ACOX3: variants seen among roughly 807,000 people sequenced by gnomAD.
The protein encoded by ACOX3 is peroxisomal acyl-coenzyme A oxidase 3.
Under a neutral mutation model 81.5 loss-of-function variants are expected in ACOX3, and 73 were observed. The observed-to-expected ratio is 0.90, with a 90% confidence interval of 0.74 to 1.09. The LOEUF (loss-of-function observed/expected upper bound fraction) is 1.09, where lower values mean the gene tolerates loss of function less well. Ranked by LOEUF, ACOX3 falls within the 50% of genes least tolerant of loss-of-function variation. The pLI is 0.00. For missense variants in ACOX3, 947 were observed against 928.0 expected (o/e 1.02, Z -0.27); for synonymous variants, 387 against 375.1 (o/e 1.03, Z -0.37).
chr4:8,371,699 C>T (rs376204386), intron 16 of ACOX3, among the ~76,000 whole-genome samples: 166 of 152,376 alleles, frequency 1.1e-3, no homozygotes, highest in African/African-American at 3.7e-3. Context: ...TTCAGCGCCG[C>T]GCTCTGCAGG....
At position 8,415,000 on chromosome 4, in the gene ACOX3, A is replaced by G. The variant is rs1722164516; in HGVS notation, c.379-72T>C. 11 of 1,388,854 alleles carry G rather than the reference A, an allele frequency of 7.9e-6. No individual in the cohort carries two copies. Among genetic ancestry groups the G allele is most frequent in the African/African-American group, 1.4e-5 (1 of 70,262 alleles). The allele number at this position is 1,388,854 out of a possible 1,614,324, so 86.0% of individuals were successfully genotyped here. On this transcript the variant is annotated intron_variant, in intron 3 of 17. Transcript: ENST00000356406. This position sits in a 1 kb window ranked among gnomAD's most constrained non-coding sequence, Gnocchi z 6.1. The stretch of plus-strand genomic sequence containing the variant: ...TACTGCTCTTCCGGAACATCACAAC[A>G]GACAACGGCACTCAACACCATGCCC...
At chr4:8,376,899 G>C (rs1717035494) in intron 14 of ACOX3, among the ~76,000 whole-genome samples, 1 of 152,102 alleles carries the variant, frequency 6.6e-6, no homozygotes, top group African/African-American at 2.4e-5. Context: ...GCCCTGCCGA[G>C]TGAGGTGGGG....
In ACOX3 at chr4:8,391,477, T is replaced by C. The variant is rs575392581; in HGVS notation, c.1300+856A>G. The stretch of plus-strand genomic sequence containing the variant: ...GCTGTGGCTGTTTTGAGTGTGTACA[T>C]GGCCTTCTTTGAGCAACCAGTTTTT... On this transcript the variant is annotated intron_variant, in intron 11 of 17. Coordinates refer to ENST00000356406, the MANE Select transcript of ACOX3 (RefSeq NM_003501.3). Among the ~76,000 whole-genome samples the C allele has an allele frequency of 2.2e-4, 34 of 152,356 alleles. No homozygotes were observed. In the South Asian group the frequency reaches 6.2e-3, roughly 28 times the overall value.
At chr4:8,364,195 CCT>C (rs545672233), downstream of ACOX3, among the ~76,000 whole-genome samples, 70 of 152,306 alleles carry the variant, frequency 4.6e-4, no homozygotes, top group African/African-American at 1.6e-3. The surrounding 1 kb of genome is among the most constrained non-coding windows in gnomAD (Gnocchi z 5.0). Context: ...TACTGACTGA[CCT>C]CTCTGCCTCT....
chr4:8,412,472 AAGAATGAATGGATGGATGAG>A (rs1210180747), intron 5 of ACOX3, among the ~76,000 whole-genome samples: 8 of 138,008 alleles, frequency 5.8e-5, no homozygotes, highest in Non-Finnish European at 1.1e-4. Flanking sequence ...GGATGGATGG[AAGAATGAATGGATGGATGAG>A]AGAATGAATG....
At position 8,437,554 on chromosome 4, in the gene ACOX3, T is replaced by A. The variant is rs535593709; in HGVS notation, c.-15+3094A>T. Reference sequence around the variant, plus strand: ...GGAAGGAAAAAGAAAAACAAAGACTTAAGGAAAAAGGCCAATCTGTTAGCA... The same window carrying A: ...GGAAGGAAAAAGAAAAACAAAGACTAAAGGAAAAAGGCCAATCTGTTAGCA... On this transcript the variant is annotated intron_variant, in intron 1 of 17. Transcript: ENST00000356406. The surrounding 1 kb of genome is among the most constrained non-coding windows in gnomAD (Gnocchi z 5.2). 1.7e-4 allele frequency among the ~76,000 whole-genome samples: 26 copies of A among 151,938 alleles called. No homozygotes were observed. Among genetic ancestry groups the A allele is most frequent in the Middle Eastern group, 3.4e-3 (1 of 294 alleles).
At chr4:8,387,122 C>G (rs866798232) in intron 13 of ACOX3, among the ~76,000 whole-genome samples, 1 of 152,230 alleles carries the variant, frequency 6.6e-6, no homozygotes, top group Non-Finnish European at 1.5e-5. Context: ...TGTGGCACCT[C>G]GAGGGCGGTT....
chr4:8,415,558 T>C (rs1722232698), intron 3 of ACOX3, among the ~76,000 whole-genome samples: 1 of 151,532 alleles, frequency 6.6e-6, no homozygotes. Context: ...TACAAATACA[T>C]GATGGTGGAT....
Position 8,382,075 on chromosome 4 carries a change from T to C in ACOX3, c.1538-468A>G, listed in dbSNP as rs1717729698. Among the ~76,000 whole-genome samples, 1 of 152,182 alleles carries C rather than the reference T, an allele frequency of 6.6e-6. No homozygotes were observed. Among genetic ancestry groups the C allele is most frequent in the Non-Finnish European group, 1.5e-5 (1 of 68,026 alleles). On this transcript the variant is annotated intron_variant, in intron 13 of 17. Coordinates refer to ENST00000356406, the MANE Select transcript of ACOX3 (RefSeq NM_003501.3). The surrounding 1 kb of genome is among the most constrained non-coding windows in gnomAD (Gnocchi z 4.1). The stretch of plus-strand genomic sequence containing the variant: ...GTGCTTCCGTTCGCCTCCCCCTGCC[T>C]GGCCCTTGGACCTCACCGCATGCTG...
chr4:8,388,206 G>A (rs1022129239), intron 13 of ACOX3, among the ~76,000 whole-genome samples: 1 of 152,206 alleles, frequency 6.6e-6, no homozygotes, highest in Non-Finnish European at 1.5e-5. Flanking sequence ...CCCCTGCAAG[G>A]TGGTCACCAG....
intron 15 of ACOX3, 152 bp downstream of exon 15, chr4:8,374,826 T>G (rs906565577): frequency 8.4e-6 from 7 of 830,724 alleles, no homozygotes; most frequent in Admixed American, 3.2e-5. Flanking sequence ...CTTCTCATTA[T>G]GGAACTGGGC....
chr4:8,367,150 T>C (rs1715559268), intron 17 of ACOX3, 70 bp from the exon 18 acceptor site: 4 of 1,574,436 alleles, frequency 2.5e-6, no homozygotes, highest in Non-Finnish European at 3.5e-6. Flanking sequence ...GACGGCTGAG[T>C]GTGCAAATGC....
chr4:8,379,677 G>A (rs953982163), intron 14 of ACOX3, among the ~76,000 whole-genome samples: 1 of 152,180 alleles, frequency 6.6e-6, no homozygotes, highest in Non-Finnish European at 1.5e-5. Flanking sequence ...GGACCTACCG[G>A]GCAGTTCTAA....
In ACOX3 at chr4:8,399,917, C is replaced by T. The variant is rs546208650; in HGVS notation, c.777-265G>A. The stretch of plus-strand genomic sequence containing the variant: ...GAGTTTGAGACCAGCCTGGGCAACA[C>T]AGTGAGACCCTGTTTCTAAAAAAGA... On this transcript the variant is annotated intron_variant, in intron 7 of 17. Coordinates refer to ENST00000356406, the MANE Select transcript of ACOX3 (RefSeq NM_003501.3). This position sits in a 1 kb window ranked among gnomAD's most constrained non-coding sequence, Gnocchi z 4.9. Among the ~76,000 whole-genome samples the T allele has an allele frequency of 6.6e-6, 1 of 152,202 alleles. No homozygotes were observed. The highest frequency in any genetic ancestry group is 2.1e-4 in the South Asian group (1 of 4,818).
rs1431254210 is a variant in ACOX3 at position 8,367,972 on chromosome 4, A to G, written c.1984-892T>C. On this transcript the variant is annotated intron_variant, in intron 17 of 17. Transcript: ENST00000356406. ...ATGCCACTGCACCCCAGCCTGGGTG[A>G]CAGAGTGAGATCCTATCTCAAAAAA... is the stretch of plus-strand genomic sequence containing the variant. Among the ~76,000 whole-genome samples the G allele has an allele frequency of 2.6e-5, 4 of 151,550 alleles. 1 individual carries two copies. The highest frequency in any genetic ancestry group is 9.7e-5 in the African/African-American group (4 of 41,262).
chr4:8,376,418 G>T (rs1027008556), intron 14 of ACOX3, among the ~76,000 whole-genome samples: 1 of 151,902 alleles, frequency 6.6e-6, no homozygotes, highest in Non-Finnish European at 1.5e-5. Flanking sequence ...GGAGGACCCG[G>T]CTGCATGCCT....
chr4:8,420,431 A>G (rs1722813168), intron 1 of ACOX3, among the ~76,000 whole-genome samples: 2 of 152,210 alleles, frequency 1.3e-5, no homozygotes, highest in Admixed American at 1.3e-4. Context: ...GGGGAAGGTG[A>G]CCACACCCAC....
intron 17 of ACOX3, among the ~76,000 whole-genome samples, chr4:8,367,806 C>CAAAAAAAAAA (rs535574857): frequency 2.1e-4 from 10 of 46,712 alleles, no homozygotes; most frequent in East Asian, 1.2e-3. Context: ...CCCATCTTTA[C>CAAAAAAAAAA]AAAAAAAAAA....
chr4:8,367,854 TGGA>T (rs1715664735), intron 17 of ACOX3, among the ~76,000 whole-genome samples: 1 of 128,160 alleles, frequency 7.8e-6, no homozygotes, highest in Admixed American at 8.4e-5. Flanking sequence ...TAACTGGGCA[TGGA>T]GGAGTTCACC....
Sources: allele counts gnomAD v4.1 joint callset (sites outside exome capture counted in the v4.1 genomes callset), GRCh38; gene constraint gnomAD v4.1.1; non-coding constraint Gnocchi (gnomAD v3.1); transcripts MANE v1.5; gene names NCBI Gene and HGNC (gene_info 2026-07-23, HGNC 2026-07-21).